Variants in RARB observed in about 807,000 individuals in gnomAD.
The protein encoded by RARB is retinoic acid receptor beta, also known as HBV-activated protein.
RARB carries 17 observed loss-of-function variants against 51.9 expected under a neutral mutation model. The ratio of observed to expected loss-of-function variants is 0.33; its 90% CI spans 0.22 to 0.49. The LOEUF (loss-of-function observed/expected upper bound fraction) is 0.49. RARB is among the 20% of genes least tolerant of loss of function. The pLI is 0.99. For missense variants in RARB, 369 were observed against 550.8 expected (o/e 0.67, Z 3.30); for synonymous variants, 215 against 195.4 (o/e 1.10, Z -0.84).
intron 2 of RARB, among the ~76,000 whole-genome samples, chr3:25,046,246 G>T (rs1698211239): frequency 6.6e-6 from 1 of 152,198 alleles, no homozygotes; most frequent in Non-Finnish European, 1.5e-5. Flanking sequence ...TCAAAGGCTT[G>T]TGTAATTTTC....
chr3:25,323,159 C>T (rs1003098680), intron 5 of RARB, among the ~76,000 whole-genome samples: 1 of 152,144 alleles, frequency 6.6e-6, no homozygotes, highest in African/African-American at 2.4e-5. Flanking sequence ...AGGCTCAAGG[C>T]AAAAACAGAA....
chr3:25,336,623 C>T (rs968484898), intron 5 of RARB, among the ~76,000 whole-genome samples: 1 of 152,136 alleles, frequency 6.6e-6, no homozygotes, highest in African/African-American at 2.4e-5. Context: ...TCCTTCCTCT[C>T]TGCCCAACAA....
At chr3:24,991,010 C>T (rs1019175797) in intron 2 of RARB, among the ~76,000 whole-genome samples, 12 of 152,146 alleles carry the variant, frequency 7.9e-5, no homozygotes, top group African/African-American at 2.9e-4. Context: ...ATTACATTTT[C>T]TAATTAGCAG....
At position 25,406,120 on chromosome 3, in the gene RARB, G is replaced by T. The variant is rs184397541; in HGVS notation, c.179-55073G>T. Among the ~76,000 whole-genome samples the T allele has an allele frequency of 1.7e-3, 260 of 152,158 alleles. 1 individual carries two copies. Among genetic ancestry groups the T allele is most frequent in the African/African-American group, 5.9e-3 (246 of 41,498 alleles). The stretch of plus-strand genomic sequence containing the variant: ...GCTATCTCTCCATTCCCGTGACTCT[G>T]ACCTTCACCAACATGACCAGGCATC... On this transcript the variant is annotated intron_variant, in intron 5 of 11. Coordinates refer to the RARB transcript ENST00000383772.
chr3:25,334,437 G>C (rs966481411), intron 5 of RARB, among the ~76,000 whole-genome samples: 1 of 152,046 alleles, frequency 6.6e-6, no homozygotes, highest in Non-Finnish European at 1.5e-5. Context: ...GGACAGAAAA[G>C]CAAACACCGC....
chr3:25,043,716 G>A (rs1421227095), intron 2 of RARB, among the ~76,000 whole-genome samples: 2 of 151,998 alleles, frequency 1.3e-5, no homozygotes, highest in Non-Finnish European at 2.9e-5. Context: ...ATAAGCAAAG[G>A]TACCCTTAAG....
intron 2 of RARB, among the ~76,000 whole-genome samples, chr3:24,923,214 T>A (rs2125388311): frequency 6.6e-6 from 1 of 152,304 alleles, no homozygotes; most frequent in Non-Finnish European, 1.5e-5. Context: ...ATAGTTTAAT[T>A]CTAGCAATAT....
At chr3:25,503,274 T>G (rs957180094) in intron 3 of RARB, among the ~76,000 whole-genome samples, 11 of 152,216 alleles carry the variant, frequency 7.2e-5, no homozygotes, top group Admixed American at 2.0e-4. Context: ...ATGTGTGAGA[T>G]TCACGGGATG....
chr3:25,512,579 T>C (rs1433551259), intron 3 of RARB, among the ~76,000 whole-genome samples: 2 of 152,234 alleles, frequency 1.3e-5, no homozygotes. Context: ...TGTCCTCTCA[T>C]GTGACACAGC....
intron 2 of RARB, among the ~76,000 whole-genome samples, chr3:25,031,266 C>T (rs924994734): frequency 1.3e-4 from 20 of 152,192 alleles, no homozygotes; most frequent in African/African-American, 4.8e-4. Flanking sequence ...ATATTGAGAA[C>T]CACTGGACTA....
Position 24,968,826 on chromosome 3 carries a change from T to C in RARB, c.-379-91299T>C, listed in dbSNP as rs1696332889. On this transcript the variant is annotated intron_variant, in intron 2 of 11. Coordinates refer to the RARB transcript ENST00000383772. The stretch of plus-strand genomic sequence containing the variant: ...CCAGAGTCAGTGTGAGTGGGTAGAC[T>C]ACCCAAAGACTTGGATGCAAGGAAA... Among the ~76,000 whole-genome samples the C allele has an allele frequency of 2.0e-5, 3 of 152,154 alleles. No individual in the cohort carries two copies. The South Asian group carries it at 6.2e-4, about 31-fold the overall frequency.
At chr3:24,942,939 A>G (rs1695699472) in intron 2 of RARB, among the ~76,000 whole-genome samples, 1 of 152,302 alleles carries the variant, frequency 6.6e-6, no homozygotes, top group Admixed American at 6.5e-5. Flanking sequence ...ATGTAAGAGA[A>G]CCAAGGTAGA....
intron 2 of RARB, among the ~76,000 whole-genome samples, chr3:24,894,688 T>C (rs1703445631): frequency 6.6e-6 from 1 of 152,242 alleles, no homozygotes; most frequent in Non-Finnish European, 1.5e-5. Flanking sequence ...TTAGCCAGTT[T>C]ACTCTTGGCT....
intron 1 of RARB, among the ~76,000 whole-genome samples, chr3:24,846,092 A>AT (rs1413207644): frequency 1.3e-5 from 2 of 152,192 alleles, no homozygotes; most frequent in Non-Finnish European, 2.9e-5. Flanking sequence ...TTATTACATT[A>AT]TTTTTTAAGG....
chr3:24,968,647 AT>A (rs1201186949), intron 2 of RARB, among the ~76,000 whole-genome samples: 1 of 152,090 alleles, frequency 6.6e-6, no homozygotes, highest in Non-Finnish European at 1.5e-5. Context: ...CATGGATAAC[AT>A]CTCTTTCTCC....
Position 25,461,423 on chromosome 3 carries a change from G to T in RARB, c.306+82G>T, listed in dbSNP as rs745399572. 5 of 1,477,390 alleles carry T rather than the reference G, an allele frequency of 3.4e-6. No homozygotes were observed. The East Asian group carries it at 9.4e-5, about 28-fold the overall frequency. The allele number at this position is 1,477,390 out of a possible 1,614,324, so 91.5% of individuals were successfully genotyped here. On this transcript the variant is annotated intron_variant, in intron 2 of 7. Transcript: ENST00000330688. The stretch of plus-strand genomic sequence containing the variant: ...GGTGACCTACCCAGTTCCAAAAATG[G>T]GCTGGATGTGTAACATCACCTCCCA...
chr3:25,301,221 C>T (rs1439266488), intron 5 of RARB, among the ~76,000 whole-genome samples: 1 of 152,128 alleles, frequency 6.6e-6, no homozygotes, highest in Non-Finnish European at 1.5e-5. Context: ...CAGGACATAA[C>T]CTCATTATAA....
intron 3 of RARB, among the ~76,000 whole-genome samples, chr3:25,121,588 T>A (rs999983566): frequency 6.6e-6 from 1 of 152,134 alleles, no homozygotes; most frequent in East Asian, 1.9e-4. Flanking sequence ...ATCCAATGTG[T>A]AGGTGGAATG....
At chr3:25,565,098 C>T (rs1222165620) in intron 3 of RARB, among the ~76,000 whole-genome samples, 1 of 152,158 alleles carries the variant, frequency 6.6e-6, no homozygotes, top group African/African-American at 2.4e-5. Flanking sequence ...AGGCACAGCT[C>T]CCTGTAGCAT....
Sources: gnomAD v4.1 joint callset for allele counts (sites outside exome capture counted in the v4.1 genomes callset) on GRCh38, gnomAD v4.1.1 for gene constraint, MANE v1.5 for transcripts, NCBI Gene and HGNC (gene_info 2026-07-23, HGNC 2026-07-21) for gene names.